GRIA4: variants seen among roughly 807,000 people sequenced by gnomAD.
The protein encoded by GRIA4 is glutamate ionotropic receptor AMPA type subunit 4.
A neutral mutation model predicts 104.0 loss-of-function variants in GRIA4; 34 were observed. That is an observed-to-expected ratio of 0.33 (90% confidence interval 0.25 to 0.44). The LOEUF is 0.44. Among genes scored for constraint, GRIA4 ranks in the 20% least tolerant of loss-of-function variants. The pLI, the probability that GRIA4 is intolerant of heterozygous loss-of-function variation, is 1.00. For synonymous variants in GRIA4, 386 were observed against 381.9 expected (o/e 1.01, Z -0.13); for missense variants, 750 against 1,096.5 (o/e 0.68, Z 4.46).
intron 14 of GRIA4, among the ~76,000 whole-genome samples, chr11:105,970,305 T>A (rs1205365556): frequency 6.6e-6 from 1 of 151,906 alleles, no homozygotes. Context: ...TATTTTAGAA[T>A]TTTTTTCAAA....
chr11:105,655,254 T>G (rs1344265053), intron 3 of GRIA4, among the ~76,000 whole-genome samples: 1 of 152,158 alleles, frequency 6.6e-6, no homozygotes, highest in Non-Finnish European at 1.5e-5. Flanking sequence ...TATCATCATT[T>G]TGGATATTAT....
chr11:105,611,056 TGG>T lies in GRIA4; in HGVS notation c.61_62del (p.Gly21SerfsTer31). On this transcript the variant is annotated frameshift_variant, in exon 2 of 17. Coordinates refer to ENST00000282499, the MANE Select transcript of GRIA4 (RefSeq NM_000829.4). LOFTEE classifies it high-confidence loss of function. The stretch of plus-strand genomic sequence containing the variant: ...TTTTCTGGATTTTGGGGACTCGCCA[TGG>T]GAGCCTTTCCGAGCAGCGTGCAAAT... The T allele has an allele frequency of 6.2e-7, 1 of 1,613,646 alleles. No homozygotes were observed. The highest frequency in any genetic ancestry group is 8.5e-7 in the Non-Finnish European group (1 of 1,179,668).
In GRIA4 at chr11:105,955,540, C is replaced by T. The variant is rs530644102; in HGVS notation, c.2295-16374C>T. 6.6e-4 allele frequency among the ~76,000 whole-genome samples: 101 copies of T among 152,184 alleles called. 1 individual carries two copies. In the South Asian group the frequency reaches 6.6e-3, roughly 10 times the overall value. On this transcript the variant is annotated intron_variant, in intron 14 of 16. Coordinates refer to ENST00000282499, the MANE Select transcript of GRIA4 (RefSeq NM_000829.4). The stretch of plus-strand genomic sequence containing the variant: ...GTCTATCATTGATGGGCATATTGGT[C>T]GGTTCCATGTCTTTGCTATTGTACA...
intron 3 of GRIA4, among the ~76,000 whole-genome samples, chr11:105,631,763 T>C (rs1334091218): frequency 6.6e-6 from 1 of 152,212 alleles, no homozygotes; most frequent in African/African-American, 2.4e-5. Flanking sequence ...AGCAACTTGT[T>C]ATGAATAAGG....
In GRIA4 at chr11:105,777,788, C is replaced by G. The variant is rs138567084; in HGVS notation, c.487+24568C>G. 6.1e-3 allele frequency among the ~76,000 whole-genome samples: 925 copies of G among 152,074 alleles called. 6 individuals are homozygous for G. Among genetic ancestry groups the G allele is most frequent in the Middle Eastern group, 0.01 (3 of 294 alleles). Reference sequence around the variant, plus strand: ...CTTAAAAATAATAGATGCACAATAACAACCAAAAAAATCACTTTTTATAAT... The same window carrying G: ...CTTAAAAATAATAGATGCACAATAAGAACCAAAAAAATCACTTTTTATAAT... On this transcript the variant is annotated intron_variant, in intron 4 of 16. Coordinates refer to ENST00000282499, the MANE Select transcript of GRIA4 (RefSeq NM_000829.4).
chr11:105,622,724 A>G (rs1950781207), intron 3 of GRIA4, among the ~76,000 whole-genome samples: 1 of 151,662 alleles, frequency 6.6e-6, no homozygotes, highest in Admixed American at 6.6e-5. Context: ...TAGAAATGCA[A>G]TTTTGTTACA....
At chr11:105,771,111 C>T (rs1449867924) in intron 4 of GRIA4, among the ~76,000 whole-genome samples, 2 of 152,004 alleles carry the variant, frequency 1.3e-5, no homozygotes, top group Non-Finnish European at 2.9e-5. Context: ...AACTTGTACT[C>T]TCTTAAGCCA....
At chr11:105,687,265 A>C (rs1383535847) in intron 3 of GRIA4, among the ~76,000 whole-genome samples, 1 of 152,216 alleles carries the variant, frequency 6.6e-6, no homozygotes, top group Non-Finnish European at 1.5e-5. Context: ...GGCGCTAAAA[A>C]ATATGTATTT....
At position 105,753,228 on chromosome 11, in the gene GRIA4, C is replaced by T; in HGVS notation, c.487+8C>T. ...TGTATGACACAGACAGGGGTAAGTC[C>T]AGTTTCTTCATCTATTAGAGCAAAA... On this transcript the variant is annotated splice_region_variant and intron_variant, in intron 4 of 16. Transcript: ENST00000282499. 1.2e-6 allele frequency: 2 copies of T among 1,612,594 alleles called. No homozygotes were observed. Among genetic ancestry groups the T allele is most frequent in the Non-Finnish European group, 1.7e-6 (2 of 1,178,758 alleles).
intron 3 of GRIA4, among the ~76,000 whole-genome samples, chr11:105,658,169 C>G (rs559507516): frequency 1.3e-5 from 2 of 151,612 alleles, no homozygotes; most frequent in Non-Finnish European, 1.5e-5. Context: ...TTTCCTCATT[C>G]CAATTATCAG....
intron 3 of GRIA4, among the ~76,000 whole-genome samples, chr11:105,666,363 C>G (rs1340715514): frequency 6.6e-6 from 1 of 151,802 alleles, no homozygotes; most frequent in Non-Finnish European, 1.5e-5. Context: ...TTAAACTATT[C>G]CATGGAGAGG....
rs116577337 is a variant in GRIA4 at position 105,654,294 on chromosome 11, C to G, written c.247+41860C>G. 5.3e-3 allele frequency among the ~76,000 whole-genome samples: 796 copies of G among 151,280 alleles called. 5 individuals are homozygous for G. Among genetic ancestry groups the G allele is most frequent in the African/African-American group, 0.018 (726 of 41,188 alleles). ...GGAGATCTATAGTACAACATGCTGACTGTGACTATAGTTAATGACGATGTA... is the reference window on the plus strand; with the variant it reads ...GGAGATCTATAGTACAACATGCTGAGTGTGACTATAGTTAATGACGATGTA... On this transcript the variant is annotated intron_variant, in intron 3 of 16. Transcript: ENST00000282499.
chr11:105,631,393 G>A (rs569552497), intron 3 of GRIA4, among the ~76,000 whole-genome samples: 76 of 152,288 alleles, frequency 5.0e-4, no homozygotes, highest in African/African-American at 1.6e-3. Flanking sequence ...AAATTGGACC[G>A]ATATACTTAG....
At chr11:105,638,166 T>C (rs1591481278) in intron 3 of GRIA4, among the ~76,000 whole-genome samples, 1 of 152,172 alleles carries the variant, frequency 6.6e-6, no homozygotes, top group East Asian at 1.9e-4. Flanking sequence ...ATGAAAAACT[T>C]CCCCCAAAGA....
chr11:105,896,018 TG>T (rs1281250820), intron 6 of GRIA4, among the ~76,000 whole-genome samples: 1 of 152,236 alleles, frequency 6.6e-6, no homozygotes, highest in Non-Finnish European at 1.5e-5. Flanking sequence ...CCATAGGGGT[TG>T]GACTAATTCA....
rs140840721 is a variant in GRIA4, at chr11:105,857,832, A to G, written c.488-4192A>G. ...CTAAATACTTTCTTCCCTGGCACAA[A>G]TGTATTCTGCTTCTCTTTCTGCTGC... On this transcript the variant is annotated intron_variant, in intron 4 of 16. Coordinates refer to ENST00000282499, the MANE Select transcript of GRIA4 (RefSeq NM_000829.4). Among the ~76,000 whole-genome samples the G allele has an allele frequency of 5.4e-3, 822 of 152,242 alleles. 11 individuals carry two copies. Among genetic ancestry groups the G allele is most frequent in the African/African-American group, 0.018 (762 of 41,544 alleles).
At chr11:105,712,273 G>A (rs963617095) in intron 3 of GRIA4, among the ~76,000 whole-genome samples, 20 of 151,994 alleles carry the variant, frequency 1.3e-4, no homozygotes, top group Non-Finnish European at 2.5e-4. Context: ...TTTTCTCCAT[G>A]GTAGAGAACT....
intron 3 of GRIA4, among the ~76,000 whole-genome samples, chr11:105,733,283 CATAG>C (rs1344278389): frequency 8.5e-5 from 13 of 152,232 alleles, no homozygotes; most frequent in Admixed American, 6.5e-4. Context: ...TACGTATATA[CATAG>C]ATAGAAGTCA....
intron 4 of GRIA4, among the ~76,000 whole-genome samples, chr11:105,814,353 C>T (rs1943295092): frequency 6.6e-6 from 1 of 152,098 alleles, no homozygotes; most frequent in African/African-American, 2.4e-5. Flanking sequence ...CTCTGCTACA[C>T]ATTATTGTTG....
Sources: gnomAD v4.1 joint callset for allele counts (sites outside exome capture counted in the v4.1 genomes callset) on GRCh38, gnomAD v4.1.1 for gene constraint, MANE v1.5 for transcripts, NCBI Gene and HGNC (gene_info 2026-07-23, HGNC 2026-07-21) for gene names.